The following AFDN variants were observed in gnomAD, a reference collection of about 807,000 sequenced individuals.
The protein encoded by AFDN is afadin.
Under a neutral mutation model 216.6 loss-of-function variants are expected in AFDN, and 68 were observed. The observed-to-expected ratio is 0.31, with a 90% CI of 0.26 to 0.38. The LOEUF (loss-of-function observed/expected upper bound fraction) is 0.38. Among genes scored for constraint, AFDN ranks in the 10% least tolerant of loss-of-function variants. The pLI is 1.00. For missense variants in AFDN, 2,136 were observed against 2,342.0 expected, an observed-to-expected ratio of 0.91 and a Z score of 1.82; for synonymous variants, 868 against 853.7, an observed-to-expected ratio of 1.02 and a Z score of -0.29.
intron 22 of AFDN, among the ~76,000 whole-genome samples, chr6:167,924,707 A>C (rs117172141): frequency 0.014 from 2,165 of 151,246 alleles, 27 homozygotes; most frequent in Non-Finnish European, 0.023. Context: ...CAGGCTTTCT[A>C]CCTGATAGTA....
In AFDN at chr6:167,970,877, AAAAG is replaced by A. The variant is rs753342610; in HGVS notation, c.*946_*949del. On this transcript the variant is annotated 3_prime_UTR_variant, in exon 34 of 34. Coordinates refer to ENST00000683244, the MANE Select transcript of AFDN (RefSeq NM_001386888.1). ...TGTCACTCAGAAATTTTAAATTTGA[AAAAG>A]AAATCGATTTTCATCTGTATGCCGT... The A allele has an allele frequency of 4.2e-5, 9 of 215,950 alleles. No homozygotes were observed. Among genetic ancestry groups the A allele is most frequent in the Admixed American group, 1.7e-4 (3 of 17,148 alleles). 13.4% of individuals were successfully genotyped at this position (215,950 alleles called of 1,614,324 possible).
At chr6:167,881,952 T>C (rs1258852416) in intron 6 of AFDN, among the ~76,000 whole-genome samples, 1 of 152,226 alleles carries the variant, frequency 6.6e-6, no homozygotes, top group African/African-American at 2.4e-5. Flanking sequence ...CCCACATATA[T>C]AGCCTTTACA....
At chr6:167,942,016 G>A (rs1036392572) in intron 23 of AFDN, among the ~76,000 whole-genome samples, 1 of 152,202 alleles carries the variant, frequency 6.6e-6, no homozygotes. Flanking sequence ...AATGAGATAT[G>A]TAATGGATGG....
intron 21 of AFDN, among the ~76,000 whole-genome samples, chr6:167,920,809 T>G (rs886683048): frequency 6.6e-6 from 1 of 152,196 alleles, no homozygotes; most frequent in Non-Finnish European, 1.5e-5. Flanking sequence ...CTGTTGAACT[T>G]ACACACTTAC....
At chr6:167,866,110 T>G (rs1471669308) in intron 2 of AFDN, among the ~76,000 whole-genome samples, 1 of 152,220 alleles carries the variant, frequency 6.6e-6, no homozygotes, top group African/African-American at 2.4e-5. Context: ...TCTCTCTCAC[T>G]TCCACCTTTT....
chr6:167,826,796 C>A (rs1225549488), upstream of AFDN: 2 of 291,990 alleles, frequency 6.8e-6, no homozygotes, highest in Non-Finnish European at 1.4e-5. Flanking sequence ...CCTAGTGGAG[C>A]GGCCCGGAGG....
chr6:167,945,309 C>T (rs1415564020), intron 26 of AFDN, among the ~76,000 whole-genome samples: 3 of 152,158 alleles, frequency 2.0e-5, no homozygotes, highest in Non-Finnish European at 4.4e-5. Flanking sequence ...TCTTCAGGGG[C>T]AGTGACATGC....
chr6:167,846,780 G>A lies in AFDN; in HGVS notation c.106-17771G>A, dbSNP rs187273120. Among the ~76,000 whole-genome samples the A allele has an allele frequency of 3.2e-3, 454 of 144,026 alleles. 1 individual carries two copies. Among genetic ancestry groups the A allele is most frequent in the African/African-American group, 0.011 (417 of 39,176 alleles). The allele number at this position is 144,026 out of a possible 152,430, so 94.5% of individuals were successfully genotyped here. Reference sequence around the variant, plus strand: ...GAGATTTGGGGGAGGAGTATAGGATGTCTAGGAAATGGCATTTTCAGGGGA... The same window carrying A: ...GAGATTTGGGGGAGGAGTATAGGATATCTAGGAAATGGCATTTTCAGGGGA... On this transcript the variant is annotated intron_variant, in intron 1 of 33. Transcript: ENST00000683244.
chr6:167,949,074 C>G (rs1795669926), intron 29 of AFDN, among the ~76,000 whole-genome samples: 1 of 152,202 alleles, frequency 6.6e-6, no homozygotes, highest in African/African-American at 2.4e-5. Flanking sequence ...CTTGACATGA[C>G]AGCTAAGGAA....
chr6:167,934,644 C>G (rs1363759298), intron 23 of AFDN, among the ~76,000 whole-genome samples: 1 of 152,128 alleles, frequency 6.6e-6, no homozygotes, highest in East Asian at 1.9e-4. Flanking sequence ...GTTTTCTTAC[C>G]TGAGAACAAT....
Position 167,946,737 on chromosome 6 carries a change from G to A in AFDN, c.3389G>A (p.Arg1130Gln), listed in dbSNP as rs755200405. Residue 1130 changes from arginine to glutamine, a missense_variant, in exon 27 of 34, where the codon CGA becomes CAA. By Grantham distance (43) the Arg-to-Gln change is conservative. Coordinates refer to ENST00000683244, the MANE Select transcript of AFDN (RefSeq NM_001386888.1). ...ISDRRGSGKP[R>Q]PKSEGFELYN... is the part of the protein sequence containing the mutation. ...GATCGTCGTGGCTCAGGTAAACCCC[G>A]ACCAAAGAGTGAAGGCTTTGAGCTC... 2 of 1,613,958 alleles carry A rather than the reference G, an allele frequency of 1.2e-6. No homozygotes were observed. The highest frequency in any genetic ancestry group is 8.5e-7 in the Non-Finnish European group (1 of 1,179,982).
chr6:167,955,304 C>T (rs900444949), intron 30 of AFDN, among the ~76,000 whole-genome samples: 2 of 151,886 alleles, frequency 1.3e-5, no homozygotes, highest in Non-Finnish European at 2.9e-5. Flanking sequence ...TCCTTCCCCC[C>T]TCAGTTTAGC....
At chr6:167,963,757 G>C in intron 31 of AFDN, 1 of 1,062,310 alleles carries the variant, frequency 9.4e-7, no homozygotes. Flanking sequence ...GTTCCCCTGT[G>C]AGTCTTTCAC....
intron 7 of AFDN, among the ~76,000 whole-genome samples, chr6:167,890,254 T>A (rs957171857): frequency 6.6e-6 from 1 of 152,246 alleles, no homozygotes; most frequent in African/African-American, 2.4e-5. Flanking sequence ...TAGTATTTTT[T>A]AAAAACAGTG....
chr6:167,915,726 G>A (rs1790974058), intron 19 of AFDN, among the ~76,000 whole-genome samples: 1 of 152,150 alleles, frequency 6.6e-6, no homozygotes, highest in Non-Finnish European at 1.5e-5. Context: ...GTTAGAAATG[G>A]TGGTGACACC....
intron 23 of AFDN, among the ~76,000 whole-genome samples, chr6:167,929,631 T>G (rs985860012): frequency 6.6e-6 from 1 of 152,204 alleles, no homozygotes; most frequent in African/African-American, 2.4e-5. Context: ...CCCGCTCTAT[T>G]TGGCATCCTT....
intron 31 of AFDN, 91 bp from the exon 32 acceptor site, chr6:167,965,666 A>G: frequency 8.3e-7 from 1 of 1,202,090 alleles, no homozygotes; most frequent in Middle Eastern, 2.6e-4. Flanking sequence ...CGTCAGTGTG[A>G]TGATGAGGAT....
In AFDN at chr6:167,918,842, G is replaced by C; in HGVS notation, c.2817G>C (p.Pro939=). 1 of 1,613,084 alleles carries C rather than the reference G, an allele frequency of 6.2e-7. No homozygotes were observed. ...QLEEDPDLQL[P]FLLPEDGYSC... is the part of the protein sequence containing the mutation. ...AGGAGGATCCTGATCTGCAGCTGCC[G>C]TTTCTTTTGCCAGAAGATGGTTATT... Residue 939 remains proline, a synonymous_variant, in exon 21 of 34, where the codon CCG becomes CCC. Coordinates refer to ENST00000683244, the MANE Select transcript of AFDN (RefSeq NM_001386888.1).
intron 5 of AFDN, among the ~76,000 whole-genome samples, chr6:167,878,325 T>C (rs1394577249): frequency 6.6e-6 from 1 of 152,178 alleles, no homozygotes; most frequent in Non-Finnish European, 1.5e-5. Context: ...TTGCTCATCC[T>C]ATTGTACATC....
Sources: allele counts gnomAD v4.1 joint callset (sites outside exome capture counted in the v4.1 genomes callset), GRCh38; gene constraint gnomAD v4.1.1; transcripts MANE v1.5; gene names NCBI Gene and HGNC (gene_info 2026-07-23, HGNC 2026-07-21).